Variants in FSIP2 observed in about 807,000 individuals in gnomAD.
FSIP2 encodes fibrous sheath-interacting protein 2.
Under a neutral mutation model 510.5 loss-of-function variants are expected in FSIP2, and 367 were observed. The observed-to-expected ratio is 0.72, with a 90% CI of 0.66 to 0.78. The LOEUF is 0.78. Among genes scored for constraint, FSIP2 ranks in the 30% least tolerant of loss-of-function variants. The probability of loss-of-function intolerance (pLI) is 0.00; values close to 1 mark genes in which losing one functional copy is unlikely to be tolerated. For missense variants in FSIP2, 7,594 were observed against 7,901.7 expected, an observed-to-expected ratio of 0.96 and a Z score of 1.48; for synonymous variants, 2,601 against 2,732.2, an observed-to-expected ratio of 0.95 and a Z score of 1.50.
In FSIP2 at chr2:185,793,384, G is replaced by A. The variant is rs551656143; in HGVS notation, c.6248G>A (p.Arg2083Gln). 117 of 1,533,632 alleles carry A rather than the reference G, an allele frequency of 7.6e-5. 1 individual carries two copies. The Admixed American group carries it at 1.8e-3, about 24-fold the overall frequency. Residue 2083 changes from arginine to glutamine, a missense_variant, in exon 16 of 23, where the codon CGA becomes CAA. Coordinates refer to ENST00000424728, the MANE Select transcript of FSIP2 (RefSeq NM_173651.4). ...AAGCTGCTCAATGAGACCAAATATC[G>A]AAAAGTACTTCAACTTCAAATACAA... ...IEKLLNETKY[R>Q]KVLQLQIQDT...
chr2:185,756,103 C>T, intron 8 of FSIP2, 89 bp from the exon 9 acceptor site: 2 of 473,966 alleles, frequency 4.2e-6, no homozygotes, highest in Non-Finnish European at 7.4e-6. Context: ...AGTTCAGCTC[C>T]TCTTGGGCAT....
intron 16 of FSIP2, chr2:185,797,831 C>G (rs1431931011): frequency 4.0e-6 from 1 of 251,818 alleles, no homozygotes. Flanking sequence ...TAGCTGGGAC[C>G]ACAGGCATGC....
In FSIP2 at chr2:185,739,465, T is replaced by C. The variant is rs1201947133; in HGVS notation, c.219T>C (p.Gly73=). 1.3e-6 allele frequency: 2 copies of C among 1,499,916 alleles called. No individual in the cohort carries two copies. The highest frequency in any genetic ancestry group is 1.4e-5 in the African/African-American group (1 of 70,588). 92.9% of individuals were successfully genotyped at this position (1,499,916 alleles called of 1,614,324 possible). A position where few individuals can be genotyped will look rare whatever the true frequency, so the allele number is the denominator to read the frequency against. The change falls in exon 2 of 23, where the codon GGT becomes GGC. Residue 73 remains glycine, a synonymous_variant. Transcript: ENST00000424728. The part of the protein sequence containing the change: ...SNAVFYTTNF[G]EKLFRPSYGF... ...CTGTATTCTATACTACGAATTTCGG[T>C]GAAAAGGTGAACAAGTTTTTATCGT... is the stretch of plus-strand genomic sequence containing the variant.
chr2:185,757,687 T>C (rs1026799568), intron 9 of FSIP2, among the ~76,000 whole-genome samples: 2 of 151,162 alleles, frequency 1.3e-5, no homozygotes, highest in African/African-American at 4.8e-5. Context: ...CATACAGTTT[T>C]GCAGCTGGTG....
intron 13 of FSIP2, among the ~76,000 whole-genome samples, chr2:185,767,342 A>G (rs1389948770): frequency 6.6e-6 from 1 of 152,004 alleles, no homozygotes; most frequent in African/African-American, 2.4e-5. Context: ...AAAAAAATAA[A>G]AAATAAAAAA....
intron 9 of FSIP2, among the ~76,000 whole-genome samples, chr2:185,760,317 T>C (rs868737116): frequency 3.3e-5 from 5 of 150,400 alleles, no homozygotes; most frequent in African/African-American, 9.7e-5. Flanking sequence ...TACAACGACA[T>C]TGAAAAACTG....
chr2:185,796,114 T>C lies in FSIP2; in HGVS notation c.8978T>C (p.Val2993Ala). The change falls in exon 16 of 23, where the codon GTA becomes GCA. Residue 2993 changes from valine (V) to alanine (A), a missense_variant. Transcript: ENST00000424728. The stretch of plus-strand genomic sequence containing the variant: ...AGCAACCAAATTGTTCAAGAGATTG[T>C]AGAAACGGTTTTAAACATGTTAGAG... The part of the protein sequence containing the change: ...GSSNQIVQEI[V>A]ETVLNMLESF... 8 of 1,534,500 alleles carry C rather than the reference T, an allele frequency of 5.2e-6. No individual in the cohort carries two copies. The highest frequency in any genetic ancestry group is 1.4e-5 in the African/African-American group (1 of 72,980).
chr2:185,772,325 T>C (rs1397091650), intron 13 of FSIP2, among the ~76,000 whole-genome samples: 1 of 152,192 alleles, frequency 6.6e-6, no homozygotes, highest in Non-Finnish European at 1.5e-5. Context: ...TACTTCTTGG[T>C]ACCAATTTTC....
rs926677679 is a variant in FSIP2 at position 185,794,857 on chromosome 2, A to G, written c.7721A>G (p.Asn2574Ser). ...ACAGAAGTTGAAATATCTGACCACA[A>G]TGATTCCTTACTAATGAAACCATTA... ...SRTEVEISDHNDSLLMKPLRF... is the reference protein window; with the variant it reads ...SRTEVEISDHSDSLLMKPLRF... The change falls in exon 16 of 23, where the codon AAT (asparagine) becomes AGT (serine). Residue 2574 changes from asparagine to serine, a missense_variant. Transcript: ENST00000424728. 30 of 1,533,080 alleles carry G rather than the reference A, an allele frequency of 2.0e-5. No individual in the cohort carries two copies. The highest frequency in any genetic ancestry group is 2.5e-5 in the Non-Finnish European group (29 of 1,144,920). 95.0% of individuals were successfully genotyped at this position (1,533,080 alleles called of 1,614,324 possible).
chr2:185,754,204 A>C (rs1003865804), intron 8 of FSIP2, among the ~76,000 whole-genome samples: 1 of 151,484 alleles, frequency 6.6e-6, no homozygotes, highest in African/African-American at 2.4e-5. Context: ...GAGGTAGTAC[A>C]GAATTAGGAA....
intron 2 of FSIP2, among the ~76,000 whole-genome samples, chr2:185,742,089 C>G (rs879187033): frequency 6.6e-6 from 1 of 152,212 alleles, no homozygotes; most frequent in Admixed American, 6.5e-5. Flanking sequence ...CTCCAATTAT[C>G]TGTCTCCTGA....
intron 19 of FSIP2, among the ~76,000 whole-genome samples, chr2:185,821,076 G>A (rs1574207449): frequency 1.0e-5 from 1 of 96,614 alleles, no homozygotes; most frequent in African/African-American, 3.9e-5. Flanking sequence ...GATTGCCTAA[G>A]GAAAGAAAGA....
chr2:185,783,178 C>G (rs771695274), intron 14 of FSIP2, among the ~76,000 whole-genome samples: 13 of 152,144 alleles, frequency 8.5e-5, no homozygotes, highest in Non-Finnish European at 1.8e-4. Context: ...GTTATTCCCC[C>G]ACCCCAAAGG....
rs991107335 is a variant in FSIP2, at chr2:185,793,482, C to T, written c.6346C>T (p.Pro2116Ser). 9 of 1,534,328 alleles carry T rather than the reference C, an allele frequency of 5.9e-6. No individual in the cohort carries two copies. The Admixed American group carries it at 1.6e-4, about 27-fold the overall frequency. ...TCAGAATAATCTCTCATTTGCCACA[C>T]CCACTCTGAAATGTAGCATAGCTGA... ...LFQNNLSFAT[P>S]TLKCSIADKH... Residue 2116 changes from proline (P) to serine (S), a missense_variant, in exon 16 of 23, where the codon CCC becomes TCC. Coordinates refer to ENST00000424728, the MANE Select transcript of FSIP2 (RefSeq NM_173651.4).
At chr2:185,739,862 C>A (rs1004282827) in intron 2 of FSIP2, among the ~76,000 whole-genome samples, 26 of 152,036 alleles carry the variant, frequency 1.7e-4, no homozygotes, top group African/African-American at 6.0e-4. Flanking sequence ...TATCTTGGAC[C>A]AAACTCTCTT....
intron 18 of FSIP2, 137 bp from the exon 19 acceptor site, chr2:185,815,234 G>T: frequency 1.9e-6 from 1 of 518,564 alleles, no homozygotes; most frequent in Non-Finnish European, 3.4e-6. Context: ...TAGAATTATA[G>T]GGCCCACACC....
chr2:185,819,202 T>C (rs192550609), intron 19 of FSIP2, among the ~76,000 whole-genome samples: 8 of 151,834 alleles, frequency 5.3e-5, no homozygotes, highest in Admixed American at 5.3e-4. Flanking sequence ...AAAATATGCA[T>C]AAAGGAAATG....
rs759111961 is a variant in FSIP2 at position 185,803,993 on chromosome 2, C to T, written c.14687C>T (p.Ala4896Val). 1.5e-4 allele frequency: 219 copies of T among 1,493,360 alleles called. No homozygotes were observed. The highest frequency in any genetic ancestry group is 1.6e-4 in the Non-Finnish European group (181 of 1,124,006). 92.5% of individuals were successfully genotyped at this position (1,493,360 alleles called of 1,614,324 possible). ...SISDIPVSKI[A>V]SFIIKEIFNH... ...AGTGACATACCTGTTTCAAAAATAG[C>T]GAGTTTTATAATAAAAGAAATCTTT... is the stretch of plus-strand genomic sequence containing the variant. Residue 4896 changes from alanine to valine, a missense_variant, in exon 17 of 23, where the codon GCG becomes GTG. By Grantham distance (64) the Ala-to-Val change is moderately conservative. Coordinates refer to ENST00000424728, the MANE Select transcript of FSIP2 (RefSeq NM_173651.4).
chr2:185,778,372 G>T (rs1284253249), intron 13 of FSIP2, among the ~76,000 whole-genome samples: 1 of 151,964 alleles, frequency 6.6e-6, no homozygotes, highest in East Asian at 1.9e-4. Context: ...AAACTTTTTA[G>T]AACAGTATGT....
Sources: gnomAD v4.1 joint callset for allele counts (sites outside exome capture counted in the v4.1 genomes callset) on GRCh38, gnomAD v4.1.1 for gene constraint, MANE v1.5 for transcripts, NCBI Gene and HGNC (gene_info 2026-07-23, HGNC 2026-07-21) for gene names.